The following NAV3 variants were observed in gnomAD, a reference collection of about 807,000 sequenced individuals.
NAV3 encodes pore membrane and/or filament interacting like protein 1.
A neutral mutation model predicts 244.7 loss-of-function variants in NAV3; 87 were observed. The ratio of observed to expected loss-of-function variants is 0.36; its 90% CI spans 0.30 to 0.42. The LOEUF (loss-of-function observed/expected upper bound fraction) is 0.42. NAV3 is among the 20% of genes least tolerant of loss of function. The pLI is 1.00. For synonymous variants in NAV3, 1,126 were observed against 1,042.2 expected (o/e 1.08, Z -1.55); for missense variants, 2,663 against 2,893.3 (o/e 0.92, Z 1.83).
At chr12:78,159,893 G>A (rs1243664811) in intron 23 of NAV3, among the ~76,000 whole-genome samples, 2 of 152,022 alleles carry the variant, frequency 1.3e-5, no homozygotes, top group African/African-American at 2.4e-5. Flanking sequence ...TATTCTGGGG[G>A]CAAACTGTTA....
At chr12:77,872,233 T>A (rs966695766) in intron 1 of NAV3, among the ~76,000 whole-genome samples, 3 of 152,208 alleles carry the variant, frequency 2.0e-5, no homozygotes, top group African/African-American at 7.2e-5. Context: ...TTGTATACTA[T>A]ATTAACTTGC....
At chr12:77,707,775 C>T (rs1875897743) in intron 2 of NAV3, among the ~76,000 whole-genome samples, 1 of 152,150 alleles carries the variant, frequency 6.6e-6, no homozygotes, top group Non-Finnish European at 1.5e-5. Context: ...GAGATGGTAT[C>T]TCATTGTGGT....
chr12:78,090,924 G>A (rs1003064877), intron 12 of NAV3, among the ~76,000 whole-genome samples: 27 of 151,438 alleles, frequency 1.8e-4, no homozygotes, highest in Admixed American at 2.0e-4. Flanking sequence ...TTTGCAAGGT[G>A]TCAGAAGTAC....
intron 8 of NAV3, among the ~76,000 whole-genome samples, chr12:78,018,351 T>G (rs916235054): frequency 6.6e-6 from 1 of 152,188 alleles, no homozygotes; most frequent in South Asian, 2.1e-4. Context: ...CCAATGGAAT[T>G]AAGTCTTACA....
chr12:77,753,875 A>G (rs575884912), intron 2 of NAV3, among the ~76,000 whole-genome samples: 1 of 152,188 alleles, frequency 6.6e-6, no homozygotes, highest in Non-Finnish European at 1.5e-5. Flanking sequence ...ATTGAATGAA[A>G]GATGTTTTGT....
Position 77,966,250 on chromosome 12 carries a change from C to T in NAV3, c.436C>T (p.Leu146Phe). Residue 146 changes from leucine to phenylalanine, a missense_variant, in exon 4 of 40, where the codon CTT becomes TTT. Transcript: ENST00000397909. ...SQMIENVDVC[L>F]SFLAARGVNV... ...GCAGATTGAAAATGTTGATGTCTGC[C>T]TTAGTTTTCTAGCAGCCAGAGGGGT... is the stretch of plus-strand genomic sequence containing the variant. 1 of 1,613,506 alleles carries T rather than the reference C, an allele frequency of 6.2e-7. No individual in the cohort carries two copies. The highest frequency in any genetic ancestry group is 8.5e-7 in the Non-Finnish European group (1 of 1,179,760).
At chr12:78,005,176 A>C (rs1242270) in intron 7 of NAV3, among the ~76,000 whole-genome samples, 150,332 of 152,242 alleles carry the variant, frequency 0.99, 74,257 homozygotes, top group Middle Eastern at 1. Context: ...AAGATACATA[A>C]CAAGTATGTG....
intron 3 of NAV3, among the ~76,000 whole-genome samples, chr12:77,950,245 A>G (rs543598211): frequency 6.6e-6 from 1 of 152,120 alleles, no homozygotes; most frequent in Non-Finnish European, 1.5e-5. Flanking sequence ...ACTGTCTTCC[A>G]AAGTGTTTTA....
At chr12:77,776,067 G>A (rs945383064) in intron 2 of NAV3, among the ~76,000 whole-genome samples, 6 of 152,134 alleles carry the variant, frequency 3.9e-5, no homozygotes, top group Non-Finnish European at 5.9e-5. Flanking sequence ...GTTAAGTATT[G>A]GGGAAGGCAC....
In NAV3 at chr12:77,831,664, A is replaced by G. The variant is rs2136079425; in HGVS notation, c.203A>G (p.Lys68Arg). Residue 68 changes from lysine to arginine, a missense_variant, in exon 1 of 40, where the codon AAA becomes AGA. By Grantham distance (26) the Lys-to-Arg change is conservative. Coordinates refer to ENST00000397909, the MANE Select transcript of NAV3 (RefSeq NM_001024383.2). ...TCAACCTGTGAATTTGGAGAGAAGA[A>G]ACCCCTCCAAGGAAAAGCCAAGGAG... ...LKSTCEFGEK[K>R]PLQGKAKEKE... is the part of the protein sequence containing the mutation. 6.2e-7 allele frequency: 1 copy of G among 1,613,334 alleles called. No homozygotes were observed. The highest frequency in any genetic ancestry group is 8.5e-7 in the Non-Finnish European group (1 of 1,179,760).
chr12:77,774,008 G>A (rs569513425), intron 2 of NAV3, among the ~76,000 whole-genome samples: 18 of 152,196 alleles, frequency 1.2e-4, no homozygotes, highest in Non-Finnish European at 2.1e-4. Context: ...GACCTTGCCT[G>A]ATGAACTCAT....
At chr12:77,820,970 A>G (rs1026012750) in intron 2 of NAV3, among the ~76,000 whole-genome samples, 1 of 151,940 alleles carries the variant, frequency 6.6e-6, no homozygotes, top group Non-Finnish European at 1.5e-5. Context: ...ATTCTTTTTT[A>G]TGACTTCAGG....
rs373826085 is a variant in NAV3, at chr12:78,190,021, T to A, written c.6093T>A (p.Asp2031Glu). 2 of 1,612,984 alleles carry A rather than the reference T, an allele frequency of 1.2e-6. No individual in the cohort carries two copies. Among genetic ancestry groups the A allele is most frequent in the African/African-American group, 2.7e-5 (2 of 74,894 alleles). ...ATAGTTTGGACAGTTTTGTTTTTGA[T>A]ACGCTGATTCCTAAACCAATTACCC... ...EENSLDSFVF[D>E]TLIPKPITQR... The change falls in exon 34 of 40, where the codon GAT becomes GAA. Residue 2031 changes from aspartate to glutamate, a missense_variant. Asp to Glu is a conservative substitution (Grantham distance 45). Coordinates refer to ENST00000397909, the MANE Select transcript of NAV3 (RefSeq NM_001024383.2).
Position 78,175,382 on chromosome 12 carries a change from C to T in NAV3, c.5058C>T (p.Gly1686=), listed in dbSNP as rs1468599540. 9 of 1,611,490 alleles carry T rather than the reference C, an allele frequency of 5.6e-6. No individual in the cohort carries two copies. Among genetic ancestry groups the T allele is most frequent in the South Asian group, 1.1e-5 (1 of 91,012 alleles). ...INSATSHSSI[G]SGNDADSKKK... is the part of the protein sequence containing the mutation. ...GTGCCACAAGCCATTCCAGTATTGG[C>T]AGTGGTAATGATGCCGACTCCAAGA... is the stretch of plus-strand genomic sequence containing the variant. Residue 1686 remains glycine (G), a synonymous_variant, in exon 25 of 40, where the codon GGC becomes GGT. Coordinates refer to ENST00000397909, the MANE Select transcript of NAV3 (RefSeq NM_001024383.2).
rs74107962 is a variant in NAV3, at chr12:78,129,044, A to G, written c.4441+178A>G. ...CTTCACAGAAAAATCTCCAAACATT[A>G]TGCTATTTATTGCTCATGACAAATG... is the stretch of plus-strand genomic sequence containing the variant. On this transcript the variant is annotated intron_variant, in intron 18 of 39. Transcript: ENST00000397909. 2.0e-3 allele frequency among the ~76,000 whole-genome samples: 298 copies of G among 152,278 alleles called. 1 individual carries two copies. Among genetic ancestry groups the G allele is most frequent in the African/African-American group, 6.4e-3 (266 of 41,548 alleles).
intron 3 of NAV3, among the ~76,000 whole-genome samples, chr12:77,961,754 G>A (rs538067255): frequency 7.1e-4 from 98 of 138,382 alleles, no homozygotes; most frequent in Middle Eastern, 7.1e-3. Context: ...AGACTGGGGA[G>A]AGAGTGTAGA....
chr12:77,587,629 C>T (rs933723293), intron 2 of NAV3, among the ~76,000 whole-genome samples: 10 of 152,118 alleles, frequency 6.6e-5, no homozygotes, highest in Non-Finnish European at 1.2e-4. Flanking sequence ...TTGAGTTAGA[C>T]AACTTTAGTT....
intron 1 of NAV3, among the ~76,000 whole-genome samples, chr12:77,928,687 T>C (rs1455112113): frequency 6.6e-6 from 1 of 152,210 alleles, no homozygotes; most frequent in Non-Finnish European, 1.5e-5. Flanking sequence ...ATACTGTAGT[T>C]AGCATAGTAA....
chr12:77,755,827 A>G (rs1294651222), intron 2 of NAV3, among the ~76,000 whole-genome samples: 1 of 151,342 alleles, frequency 6.6e-6, no homozygotes, highest in East Asian at 1.9e-4. Flanking sequence ...TCAACCTGAC[A>G]GGCTCAAGTG....
Sources: allele counts gnomAD v4.1 joint callset (sites outside exome capture counted in the v4.1 genomes callset), GRCh38; gene constraint gnomAD v4.1.1; transcripts MANE v1.5; gene names NCBI Gene and HGNC (gene_info 2026-07-23, HGNC 2026-07-21).